Variants in RTTN observed in about 807,000 individuals in gnomAD.
RTTN encodes rotatin.
Under a neutral mutation model 269.2 loss-of-function variants are expected in RTTN, and 182 were observed. The observed-to-expected ratio is 0.68, with a 90% confidence interval of 0.60 to 0.76. The LOEUF (loss-of-function observed/expected upper bound fraction) is 0.76. Among genes scored for constraint, RTTN ranks in the 30% least tolerant of loss-of-function variants. The pLI is 0.00. For synonymous variants in RTTN, 1,006 were observed against 963.5 expected (o/e 1.04, Z -0.82); for missense variants, 2,545 against 2,608.6 (o/e 0.98, Z 0.53).
At chr18:70,160,684 C>T (rs1555765139) in intron 14 of RTTN, among the ~76,000 whole-genome samples, 1 of 145,368 alleles carries the variant, frequency 6.9e-6, no homozygotes, top group Admixed American at 6.8e-5. Flanking sequence ...AAGAAAAAAC[C>T]ATATTCTCTG....
intron 31 of RTTN, among the ~76,000 whole-genome samples, chr18:70,087,752 A>G (rs2058738608): frequency 6.6e-6 from 1 of 152,208 alleles, no homozygotes; most frequent in Non-Finnish European, 1.5e-5. Flanking sequence ...GCATAATAAA[A>G]AAAGTTCACA....
At chr18:70,160,941 A>T (rs1287561574) in intron 14 of RTTN, among the ~76,000 whole-genome samples, 1 of 152,250 alleles carries the variant, frequency 6.6e-6, no homozygotes, top group Non-Finnish European at 1.5e-5. Context: ...TTACAGATTC[A>T]ACACTATTCT....
In RTTN at chr18:70,086,613, C is replaced by T. The variant is rs1459805081; in HGVS notation, c.4374G>A (p.Gln1458=). The T allele has an allele frequency of 1.3e-6, 2 of 1,560,776 alleles. No homozygotes were observed. Among genetic ancestry groups the T allele is most frequent in the Non-Finnish European group, 1.7e-6 (2 of 1,152,686 alleles). ...PTEIIKDYTW[Q]GPCVHDEDSG... is the part of the protein sequence containing the mutation. The stretch of plus-strand genomic sequence containing the variant: ...TTGATAATTGTTTAAAATCACCCAC[C>T]TGCCAAGTATAATCCTTTATAATTT... Residue 1458 remains glutamine, a splice_region_variant and synonymous_variant, in exon 32 of 49, where the codon CAG becomes CAA. Coordinates refer to ENST00000640769, the MANE Select transcript of RTTN (RefSeq NM_173630.4).
rs1276243011 is a variant in RTTN at position 70,051,465 on chromosome 18, T to C, written c.5269A>G (p.Ile1757Val). Residue 1757 changes from isoleucine to valine, a missense_variant, in exon 39 of 49, where the codon ATC becomes GTC. By Grantham distance (29) the Ile-to-Val change is conservative. Coordinates refer to ENST00000640769, the MANE Select transcript of RTTN (RefSeq NM_173630.4). ...LAMLLRKAGAITLPFVTVALA... is the reference protein window; with the variant it reads ...LAMLLRKAGAVTLPFVTVALA... ...GCCACGGTAACAAACGGGAGTGTGA[T>C]GGCACCAGCTTTCCTCAGGAGCATG... 4 of 1,614,056 alleles carry C rather than the reference T, an allele frequency of 2.5e-6. No individual in the cohort carries two copies. The highest frequency in any genetic ancestry group is 3.4e-6 in the Non-Finnish European group (4 of 1,179,938).
intron 11 of RTTN, among the ~76,000 whole-genome samples, chr18:70,170,127 C>CT (rs1255710427): frequency 2.6e-5 from 4 of 151,696 alleles, no homozygotes; most frequent in East Asian, 3.9e-4. Context: ...AAGAACTTTC[C>CT]TTTTTTTTGT....
chr18:70,148,179 T>G (rs1166765174), intron 17 of RTTN, among the ~76,000 whole-genome samples: 3 of 152,194 alleles, frequency 2.0e-5, no homozygotes, highest in Non-Finnish European at 4.4e-5. Flanking sequence ...GAAAAGAATG[T>G]CTGTCCATTC....
chr18:70,199,006 G>C (rs1453999662), intron 5 of RTTN, among the ~76,000 whole-genome samples: 1 of 152,116 alleles, frequency 6.6e-6, no homozygotes, highest in African/African-American at 2.4e-5. Context: ...GGCCAACGTG[G>C]GGAAACCCCA....
chr18:70,038,639 C>T (rs913025963), intron 40 of RTTN, among the ~76,000 whole-genome samples: 11 of 152,142 alleles, frequency 7.2e-5, no homozygotes, highest in Non-Finnish European at 8.8e-5. Flanking sequence ...AAGACTAAAA[C>T]AAATACCTAA....
intron 27 of RTTN, among the ~76,000 whole-genome samples, chr18:70,112,368 A>T (rs966636543): frequency 1.8e-4 from 28 of 152,078 alleles, no homozygotes; most frequent in Non-Finnish European, 4.0e-4. Flanking sequence ...GGCAAATTGG[A>T]TAAAGAGTCA....
At chr18:70,181,381 T>G (rs574734206) in intron 10 of RTTN, among the ~76,000 whole-genome samples, 1 of 152,306 alleles carries the variant, frequency 6.6e-6, no homozygotes, top group Admixed American at 6.5e-5. Context: ...TGACTTAGCA[T>G]GTAAATAGGG....
rs141818659 is a variant in RTTN, at chr18:70,105,026, G to C, written c.3903+4472C>G. Among the ~76,000 whole-genome samples, 765 of 152,302 alleles carry C rather than the reference G, an allele frequency of 5.0e-3. 5 individuals carry two copies. The highest frequency in any genetic ancestry group is 0.017 in the African/African-American group (725 of 41,568). ...GAGAACCAGTACTCTCTTCAAAGCTGTCAGACAGGGACGTTTAAGTCTACA... is the reference window on the plus strand; with the variant it reads ...GAGAACCAGTACTCTCTTCAAAGCTCTCAGACAGGGACGTTTAAGTCTACA... On this transcript the variant is annotated intron_variant, in intron 28 of 48. Transcript: ENST00000640769.
chr18:70,028,500 A>T (rs970713905), intron 43 of RTTN, among the ~76,000 whole-genome samples: 2 of 152,212 alleles, frequency 1.3e-5, no homozygotes, highest in African/African-American at 4.8e-5. Flanking sequence ...CTAAGAGTAC[A>T]GAATGAGGCT....
chr18:70,104,991 T>G (rs542466424), intron 28 of RTTN, among the ~76,000 whole-genome samples: 1 of 152,258 alleles, frequency 6.6e-6, no homozygotes, highest in South Asian at 2.1e-4. Flanking sequence ...GATCTCAAAC[T>G]CTGTAACGGG....
In RTTN at chr18:70,048,124, T is replaced by C. The variant is rs2057544247; in HGVS notation, c.5388A>G (p.Gln1796=). 6.2e-7 allele frequency: 1 copy of C among 1,614,062 alleles called. No homozygotes were observed. Among genetic ancestry groups the C allele is most frequent in the African/African-American group, 1.3e-5 (1 of 75,036 alleles). The part of the protein sequence containing the change: ...TCPALYTASL[Q]FLSVLLTEEA... ...CTTCGGTCAAGAGAACAGAAAGGAA[T>C]TGCAAGCTGGCAGTATACAGGGCAG... Residue 1796 remains glutamine (Q), a synonymous_variant, in exon 40 of 49, where the codon CAA becomes CAG. Transcript: ENST00000640769.
At chr18:70,179,754 T>C (rs1199391174) in intron 10 of RTTN, among the ~76,000 whole-genome samples, 2 of 152,184 alleles carry the variant, frequency 1.3e-5, no homozygotes, top group Non-Finnish European at 2.9e-5. Flanking sequence ...ATACAATGGG[T>C]TGTGGATTCT....
intron 34 of RTTN, among the ~76,000 whole-genome samples, chr18:70,069,108 G>A (rs975027467): frequency 6.6e-6 from 1 of 152,004 alleles, no homozygotes; most frequent in African/African-American, 2.4e-5. Context: ...GGTGAATATG[G>A]TTAATATGGT....
At chr18:70,172,255 G>A (rs2145947731) in intron 11 of RTTN, among the ~76,000 whole-genome samples, 1 of 152,186 alleles carries the variant, frequency 6.6e-6, no homozygotes, top group South Asian at 2.1e-4. Flanking sequence ...TTCAAAACAG[G>A]CATCAGAGGA....
rs779827162 is a variant in RTTN at position 70,205,175 on chromosome 18, C to G, written c.172G>C (p.Val58Leu). The change falls in exon 2 of 49, where the codon GTT (valine) becomes CTT (leucine). Residue 58 changes from valine to leucine, a missense_variant. Physicochemically the swap from Val to Leu is conservative, Grantham distance 32. Transcript: ENST00000640769. ...HLLEWFNFPSVPMKEEVLNLL... is the reference protein window; with the variant it reads ...HLLEWFNFPSLPMKEEVLNLL... ...TTCAGAACCTCTTCCTTCATCGGAA[C>G]GGACGGGAAATTGAACCATTCCAGC... The G allele has an allele frequency of 1.2e-6, 2 of 1,614,230 alleles. No individual in the cohort carries two copies. Among genetic ancestry groups the G allele is most frequent in the South Asian group, 2.2e-5 (2 of 91,082 alleles).
At chr18:70,128,216 A>C in intron 24 of RTTN, 142 bp downstream of exon 24, 1 of 631,652 alleles carries the variant, frequency 1.6e-6, no homozygotes, top group Non-Finnish European at 2.7e-6. Context: ...ATTTAAAAGA[A>C]AGTAAAAATT....
Sources: gnomAD v4.1 joint callset for allele counts (sites outside exome capture counted in the v4.1 genomes callset) on GRCh38, gnomAD v4.1.1 for gene constraint, MANE v1.5 for transcripts, NCBI Gene and HGNC (gene_info 2026-07-23, HGNC 2026-07-21) for gene names.